Variants in COL6A5 observed in about 807,000 individuals in gnomAD.
COL6A5 encodes collagen type VI alpha 5 chain.
In COL6A5, 48 loss-of-function variants were observed where a neutral mutation model predicts 65.6. The ratio of observed to expected loss-of-function variants is 0.73; its 90% CI spans 0.58 to 0.93. COL6A5 has a LOEUF of 0.93. Ranked by LOEUF, COL6A5 falls within the 40% of genes least tolerant of loss-of-function variation. The probability of loss-of-function intolerance (pLI) is 0.00; values close to 1 mark genes in which losing one functional copy is unlikely to be tolerated. For missense variants in COL6A5, 914 were observed against 928.3 expected (o/e 0.98, Z 0.20); for synonymous variants, 291 against 322.8 (o/e 0.90, Z 1.05).
exon 3 of COL6A5, chr3:130,440,682 C>A: frequency 6.2e-7 from 1 of 1,613,554 alleles, no homozygotes; most frequent in Middle Eastern, 1.6e-4. Context: ...TTTGTGATTT[C>A]TCTGGGCTCT....
At chr3:130,391,334 T>C in exon 7 of COL6A5, 1 of 1,551,702 alleles carries the variant, frequency 6.4e-7, no homozygotes. Flanking sequence ...AGCCCTCAAA[T>C]ACTCTGACCA....
exon 7 of COL6A5, chr3:130,391,537 TG>T: frequency 6.4e-7 from 1 of 1,551,676 alleles, no homozygotes; most frequent in East Asian, 2.4e-5. Flanking sequence ...TCATCACCGA[TG>T]GGGAATCCCA....
intron 4 of COL6A5, among the ~76,000 whole-genome samples, chr3:130,382,013 A>T (rs929425627): frequency 4.6e-5 from 7 of 152,064 alleles, no homozygotes; most frequent in Admixed American, 2.0e-4. Context: ...TCAGAAGCAG[A>T]TGCCTGGCAA....
At chr3:130,470,815 T>G in intron 6 of COL6A5, 56 bp from the exon 39 acceptor site, 124 of 1,270,280 alleles carry the variant, frequency 9.8e-5, no homozygotes, top group Non-Finnish European at 1.3e-4. Context: ...TGACTTTGGG[T>G]GAGATAATAA....
At chr3:130,477,558 A>G (rs1710130856) in intron 7 of COL6A5, among the ~76,000 whole-genome samples, 2 of 151,932 alleles carry the variant, frequency 1.3e-5, no homozygotes, top group African/African-American at 2.4e-5. Flanking sequence ...CTTGTTTCTT[A>G]TTTATTTTTC....
chr3:130,396,968 T>C (rs1337692886), intron 8 of COL6A5, among the ~76,000 whole-genome samples: 3 of 152,210 alleles, frequency 2.0e-5, no homozygotes, highest in Non-Finnish European at 2.9e-5. Flanking sequence ...GTTCACGCCA[T>C]TCTCCTGCCT....
chr3:130,426,226 A>G (rs1559896376), exon 30 of COL6A5: 1 of 1,551,292 alleles, frequency 6.4e-7, no homozygotes. Flanking sequence ...CATTAAAGGC[A>G]TGGCAGGGCA....
chr3:130,352,967 G>T (rs561842476), intron 1 of COL6A5, among the ~76,000 whole-genome samples: 1 of 152,206 alleles, frequency 6.6e-6, no homozygotes, highest in East Asian at 1.9e-4. Context: ...TATAGAAATT[G>T]TAAAGATAAA....
At chr3:130,385,428 C>A (rs1421507490) in intron 5 of COL6A5, 64 bp downstream of exon 5, 4 of 1,453,718 alleles carry the variant, frequency 2.8e-6, no homozygotes, top group Non-Finnish European at 3.7e-6. Context: ...AGATTAATGG[C>A]CAGGCTGAGA....
At chr3:130,474,645 A>T (rs1710042854) in intron 7 of COL6A5, among the ~76,000 whole-genome samples, 1 of 152,130 alleles carries the variant, frequency 6.6e-6, no homozygotes, top group Non-Finnish European at 1.5e-5. Context: ...GAAGTAAAAA[A>T]TACAATATCT....
exon 8 of COL6A5, chr3:130,394,890 T>G (rs1354270031): frequency 6.5e-7 from 1 of 1,545,196 alleles, no homozygotes; most frequent in African/African-American, 1.4e-5. Context: ...TCTATTGCAG[T>G]CTGTCATCTT....
At chr3:130,407,398 C>T (rs1937029429) in intron 17 of COL6A5, among the ~76,000 whole-genome samples, 1 of 152,264 alleles carries the variant, frequency 6.6e-6, no homozygotes, top group African/African-American at 2.4e-5. Flanking sequence ...AGAAGAATCA[C>T]AATCAGATTT....
In COL6A5 at chr3:130,421,417, T is replaced by TGAGATAAACCTGTAG; in HGVS notation, c.5037+59_5037+73dup. The stretch of plus-strand genomic sequence containing the variant: ...TGATCTTAACCTTCTACTTGAGAAC[T>TGAGATAAACCTGTAG]GAGATAAACCTGTAGGTCTGAATGA... On this transcript the variant is annotated intron_variant and NMD_transcript_variant, in intron 27 of 41. Transcript: ENST00000312481. The TGAGATAAACCTGTAG allele has an allele frequency of 2.0e-6, 3 of 1,499,646 alleles. No individual in the cohort carries two copies. In the Admixed American group the frequency reaches 5.9e-5, roughly 29 times the overall value. 92.9% of individuals were successfully genotyped at this position (1,499,646 alleles called of 1,614,324 possible).
intron 1 of COL6A5, among the ~76,000 whole-genome samples, chr3:130,362,310 ATATATATATATATATAT>A (rs1559857989): frequency 1.3e-5 from 1 of 76,792 alleles, no homozygotes; most frequent in African/African-American, 7.5e-5. Context: ...ATATATATAT[ATATATATATATATATAT>A]TTTTTTTTTT....
chr3:130,388,436 C>A, intron 5 of COL6A5, 144 bp from the exon 6 acceptor site: 1 of 696,978 alleles, frequency 1.4e-6, no homozygotes, highest in Non-Finnish European at 2.3e-6. Flanking sequence ...ACTAAAGAAG[C>A]AAATACAATT....
At chr3:130,361,648 G>C (rs146769641) in intron 1 of COL6A5, among the ~76,000 whole-genome samples, 14 of 152,158 alleles carry the variant, frequency 9.2e-5, no homozygotes, top group Middle Eastern at 6.8e-3. Context: ...AGAAACTATT[G>C]AATTGTCTTC....
intron 1 of COL6A5, among the ~76,000 whole-genome samples, chr3:130,360,364 T>C (rs1267664138): frequency 6.6e-6 from 1 of 152,146 alleles, no homozygotes; most frequent in Non-Finnish European, 1.5e-5. Flanking sequence ...TCTGATTTAT[T>C]CTTGGATTCT....
intron 3 of COL6A5, among the ~76,000 whole-genome samples, chr3:130,377,144 G>A (rs1279964184): frequency 6.6e-6 from 1 of 151,974 alleles, no homozygotes; most frequent in East Asian, 1.9e-4. Flanking sequence ...TCGGTTCCTT[G>A]CACACAGCTT....
intron 4 of COL6A5, among the ~76,000 whole-genome samples, chr3:130,452,618 C>T (rs6439235): frequency 0.035 from 5,384 of 152,128 alleles, 211 homozygotes; most frequent in African/African-American, 0.1. Context: ...GGAGGCAGGG[C>T]GAGATCACAG....
Sources: allele counts gnomAD v4.1 joint callset (sites outside exome capture counted in the v4.1 genomes callset), GRCh38; gene constraint gnomAD v4.1.1; transcripts MANE v1.5; gene names NCBI Gene and HGNC (gene_info 2026-07-23, HGNC 2026-07-21).